Variants in RPA2 observed in about 807,000 individuals in gnomAD.
RPA2 encodes the protein replication protein A 32 kDa subunit.
A neutral mutation model predicts 33.4 loss-of-function variants in RPA2; 22 were observed. That is an observed-to-expected ratio of 0.66 (90% CI 0.47 to 0.94). The LOEUF is 0.94. RPA2 is among the 40% of genes least tolerant of loss of function. The pLI is 0.00. For missense variants in RPA2, 279 were observed against 329.9 expected (o/e 0.85, Z 1.19); for synonymous variants, 109 against 114.9 (o/e 0.95, Z 0.33).
chr1:27,895,685 C>T (rs1056061973), intron 6 of RPA2, among the ~76,000 whole-genome samples: 4 of 151,960 alleles, frequency 2.6e-5, no homozygotes, highest in East Asian at 1.9e-4. Flanking sequence ...GAGCCGAGAT[C>T]GCACCACTGC....
chr1:27,897,375 T>C (rs1192588874), intron 5 of RPA2, among the ~76,000 whole-genome samples: 2 of 152,078 alleles, frequency 1.3e-5, no homozygotes, highest in Admixed American at 1.3e-4. Context: ...CCGAATCTAG[T>C]GTTCTCCTTT....
chr1:27,894,128 A>C (rs1318063759), intron 7 of RPA2, 22 bp from the exon 8 acceptor site: 1 of 1,606,506 alleles, frequency 6.2e-7, no homozygotes, highest in East Asian at 2.2e-5. Context: ...AATCAGAAAG[A>C]TTTTAGCAAT....
intron 4 of RPA2, among the ~76,000 whole-genome samples, chr1:27,902,631 G>A (rs1486784257): frequency 6.6e-6 from 1 of 151,852 alleles, no homozygotes; most frequent in Non-Finnish European, 1.5e-5. Flanking sequence ...AAAAATTTAA[G>A]ACAAAAACCC....
chr1:27,893,321 T>C (rs1217025495), intron 8 of RPA2, among the ~76,000 whole-genome samples: 1 of 152,144 alleles, frequency 6.6e-6, no homozygotes, highest in African/African-American at 2.4e-5. Flanking sequence ...GTTTTTTTTG[T>C]GTGTGTGACA....
intron 1 of RPA2, 41 bp from the exon 2 acceptor site, chr1:27,914,210 C>T (rs1184552383): frequency 3.1e-6 from 5 of 1,611,940 alleles, no homozygotes; most frequent in Non-Finnish European, 3.4e-6. Flanking sequence ...CCACGTCCCA[C>T]GCCTCCGAGA....
chr1:27,912,730 G>T (rs2090114508), intron 2 of RPA2, among the ~76,000 whole-genome samples: 1 of 152,126 alleles, frequency 6.6e-6, no homozygotes, highest in African/African-American at 2.4e-5. Flanking sequence ...AAGTCACAAT[G>T]CCAGTTAAAA....
chr1:27,896,886 C>T, intron 6 of RPA2, 119 bp downstream of exon 6: 1 of 662,106 alleles, frequency 1.5e-6, no homozygotes, highest in South Asian at 2.0e-5. Flanking sequence ...GTTCTGAGGA[C>T]TTAGTGATGT....
intron 2 of RPA2, among the ~76,000 whole-genome samples, chr1:27,908,504 C>CT (rs1224486461): frequency 1.5e-4 from 23 of 150,562 alleles, no homozygotes; most frequent in African/African-American, 4.1e-4. Context: ...CAAATTATAT[C>CT]TTTTTTTTTG....
At chr1:27,903,303 C>T (rs1303384317) in intron 4 of RPA2, among the ~76,000 whole-genome samples, 1 of 120,418 alleles carries the variant, frequency 8.3e-6, no homozygotes, top group Non-Finnish European at 1.7e-5. Context: ...TAGCAAACGA[C>T]TGAAAAGAAG....
intron 8 of RPA2, among the ~76,000 whole-genome samples, chr1:27,893,492 T>TAG (rs1005066588): frequency 3.3e-5 from 5 of 152,042 alleles, no homozygotes; most frequent in African/African-American, 1.2e-4. Context: ...ATTGTTTTTG[T>TAG]AGAGACAAGC....
intron 2 of RPA2, 41 bp downstream of exon 2, chr1:27,914,022 A>T (rs2090135140): frequency 6.6e-7 from 1 of 1,516,270 alleles, no homozygotes; most frequent in Non-Finnish European, 8.9e-7. Flanking sequence ...CAGGGACTTC[A>T]GGACAGGATA....
At chr1:27,909,219 G>T (rs911573252) in intron 2 of RPA2, among the ~76,000 whole-genome samples, 1 of 152,182 alleles carries the variant, frequency 6.6e-6, no homozygotes, top group African/African-American at 2.4e-5. Flanking sequence ...TTAGAACACA[G>T]TAGACTCTTG....
intron 2 of RPA2, among the ~76,000 whole-genome samples, chr1:27,908,260 A>T (rs529925624): frequency 2.0e-5 from 3 of 151,836 alleles, no homozygotes; most frequent in African/African-American, 7.3e-5. Flanking sequence ...AGTAGCTGGG[A>T]CTACAGGCAC....
intron 2 of RPA2, among the ~76,000 whole-genome samples, chr1:27,913,750 C>T (rs2090131019): frequency 6.6e-6 from 1 of 152,050 alleles, no homozygotes; most frequent in African/African-American, 2.4e-5. Context: ...GACCCCATCT[C>T]TATTTTAAAA....
At chr1:27,907,088 T>C (rs770460029) in intron 3 of RPA2, 47 bp from the exon 4 acceptor site, 4 of 1,570,454 alleles carry the variant, frequency 2.5e-6, no homozygotes, top group Admixed American at 3.8e-5. Context: ...TGGTTCCCCC[T>C]GAAACCAAGG....
chr1:27,894,967 CAA>C (rs1227688123), intron 6 of RPA2, among the ~76,000 whole-genome samples: 2 of 152,166 alleles, frequency 1.3e-5, no homozygotes, highest in Non-Finnish European at 2.9e-5. Context: ...ACCAATTATC[CAA>C]AAGTCTCTTT....
chr1:27,900,138 G>T (rs964420598), intron 4 of RPA2, among the ~76,000 whole-genome samples: 2 of 152,116 alleles, frequency 1.3e-5, no homozygotes, highest in African/African-American at 4.8e-5. Context: ...TTTTGATAAG[G>T]TCTCGTTTTA....
intron 5 of RPA2, 127 bp from the exon 6 acceptor site, chr1:27,897,248 T>G (rs2089904678): frequency 1.6e-6 from 1 of 633,774 alleles, no homozygotes. Context: ...TTATATACTC[T>G]CAGAGGTATT....
intron 6 of RPA2, among the ~76,000 whole-genome samples, chr1:27,895,567 TAGCCGGGTGTGGTGGC>T (rs1420081269): frequency 5.5e-4 from 83 of 151,024 alleles, no homozygotes; most frequent in African/African-American, 1.6e-3. Context: ...TACAAAAAAT[TAGCCGGGTGTGGTGGC>T]AGCCGGGTGT....
Sources: allele counts gnomAD v4.1 joint callset (sites outside exome capture counted in the v4.1 genomes callset), GRCh38; gene constraint gnomAD v4.1.1; transcripts MANE v1.5; gene names NCBI Gene and HGNC (gene_info 2026-07-23, HGNC 2026-07-21).